Variants in KCNG2 observed in about 807,000 individuals in gnomAD.
KCNG2 encodes the protein potassium voltage-gated channel modifier subfamily G member 2, also known as voltage-gated potassium channel regulatory subunit KCNG2.
Under a neutral mutation model 12.3 loss-of-function variants are expected in KCNG2, and 7 were observed. The ratio of observed to expected loss-of-function variants is 0.57; its 90% confidence interval spans 0.32 to 1.07. The LOEUF (loss-of-function observed/expected upper bound fraction) is 1.07, where lower values mean the gene tolerates loss of function less well. Among genes scored for constraint, KCNG2 ranks in the 50% least tolerant of loss-of-function variants. KCNG2 has a pLI of 0.04. For missense variants in KCNG2, 703 were observed against 726.0 expected (o/e 0.97, Z 0.36); for synonymous variants, 414 against 351.4 (o/e 1.18, Z -1.99).
At chr18:79,872,280 G>GTT (rs1162742507) in intron 3 of KCNG2, among the ~76,000 whole-genome samples, 3,735 of 72,864 alleles carry the variant, frequency 0.051, 569 homozygotes, top group Non-Finnish European at 0.07. Flanking sequence ...CAAAGCTTCA[G>GTT]TTTTTTTTTT....
At chr18:79,880,571 T>C (rs182526428) in intron 3 of KCNG2, among the ~76,000 whole-genome samples, 4 of 152,220 alleles carry the variant, frequency 2.6e-5, no homozygotes, top group Admixed American at 1.3e-4. Context: ...CAGAAACATG[T>C]AAGAGGAGGG....
chr18:79,881,638 C>G (rs1169331875), intron 3 of KCNG2, among the ~76,000 whole-genome samples: 9 of 152,206 alleles, frequency 5.9e-5, no homozygotes, highest in Admixed American at 3.9e-4. Context: ...CTGCAGTGCT[C>G]ACGCGCTGAA....
chr18:79,846,170 A>T (rs2123042603), intron 1 of KCNG2, among the ~76,000 whole-genome samples: 2 of 151,942 alleles, frequency 1.3e-5, no homozygotes, highest in South Asian at 4.2e-4. Flanking sequence ...CAGGAGATCA[A>T]GACCATCCTG....
chr18:79,850,848 C>T (rs574162057), intron 1 of KCNG2, among the ~76,000 whole-genome samples: 4 of 152,282 alleles, frequency 2.6e-5, no homozygotes, highest in East Asian at 1.9e-4. Context: ...CTCAAACGCA[C>T]GTTGCTTTTG....
intron 1 of KCNG2, among the ~76,000 whole-genome samples, chr18:79,824,487 C>A (rs2087597115): frequency 6.6e-6 from 1 of 152,164 alleles, no homozygotes; most frequent in South Asian, 2.1e-4. Flanking sequence ...TTTACCTGCT[C>A]TATGCTTCTG....
At chr18:79,810,774 A>C (rs1212535703) in intron 1 of KCNG2, among the ~76,000 whole-genome samples, 1 of 152,274 alleles carries the variant, frequency 6.6e-6, no homozygotes, top group African/African-American at 2.4e-5. Flanking sequence ...AAAAGACAAA[A>C]CAAACCAAAA....
At chr18:79,830,415 A>AT (rs1978292181) in intron 1 of KCNG2, among the ~76,000 whole-genome samples, 1 of 152,248 alleles carries the variant, frequency 6.6e-6, no homozygotes, top group African/African-American at 2.4e-5. Context: ...CTGGGACATC[A>AT]TCTTTTCCAA....
intron 3 of KCNG2, among the ~76,000 whole-genome samples, chr18:79,888,162 CAG>C (rs1445210526): frequency 6.6e-6 from 1 of 150,772 alleles, no homozygotes; most frequent in Non-Finnish European, 1.5e-5. Context: ...ACCTAGGCCT[CAG>C]GGGTGGAGGA....
intron 3 of KCNG2, among the ~76,000 whole-genome samples, chr18:79,873,747 C>T (rs1979957489): frequency 6.6e-6 from 1 of 152,220 alleles, no homozygotes; most frequent in Non-Finnish European, 1.5e-5. Flanking sequence ...CATGGAGCGG[C>T]CGCGGTTAGA....
In KCNG2 at chr18:79,803,530, G is replaced by A. The variant is rs936127818; in HGVS notation, c.-115+5516G>A. Among the ~76,000 whole-genome samples, 5 of 152,228 alleles carry A rather than the reference G, an allele frequency of 3.3e-5. No individual in the cohort carries two copies. Among genetic ancestry groups the A allele is most frequent in the Non-Finnish European group, 7.3e-5 (5 of 68,038 alleles). On this transcript the variant is annotated intron_variant, in intron 1 of 3. Coordinates refer to ENST00000316249, the MANE Select transcript of KCNG2 (RefSeq NM_012283.2). This position sits in a 1 kb window ranked among gnomAD's most constrained non-coding sequence, Gnocchi z 4.5. ...AGGGTGAAGAAAACAGTGGCTAGGC[G>A]TGGGTGTGCAGTGCTGGGGACCGAC...
intron 3 of KCNG2, among the ~76,000 whole-genome samples, chr18:79,896,663 A>T (rs1015303236): frequency 1.3e-5 from 2 of 152,204 alleles, no homozygotes; most frequent in African/African-American, 4.8e-5. Flanking sequence ...CTAATTACAT[A>T]ATTACCTTTA....
At chr18:79,874,829 G>C (rs954810039) in intron 3 of KCNG2, among the ~76,000 whole-genome samples, 13 of 152,204 alleles carry the variant, frequency 8.5e-5, no homozygotes, top group Non-Finnish European at 1.6e-4. Flanking sequence ...GGTCACGTGT[G>C]CTCCTGCCCC....
chr18:79,851,866 G>C (rs556219449), intron 1 of KCNG2, among the ~76,000 whole-genome samples: 1 of 152,302 alleles, frequency 6.6e-6, no homozygotes, highest in East Asian at 1.9e-4. Context: ...GTGCGTGTGA[G>C]GACTTATGCA....
intron 3 of KCNG2, among the ~76,000 whole-genome samples, chr18:79,867,266 C>T (rs960001213): frequency 2.0e-5 from 3 of 151,934 alleles, no homozygotes; most frequent in African/African-American, 7.3e-5. Flanking sequence ...ACTTCCTGCC[C>T]CATCCGTCCT....
chr18:79,817,544 T>G (rs1254401461), intron 1 of KCNG2, among the ~76,000 whole-genome samples: 1 of 152,110 alleles, frequency 6.6e-6, no homozygotes, highest in African/African-American at 2.4e-5. Flanking sequence ...TACATGTGGT[T>G]GTCATGTGGT....
chr18:79,899,584 T>C lies in KCNG2; in HGVS notation c.1169T>C (p.Ile390Thr). 1.9e-6 allele frequency: 3 copies of C among 1,599,182 alleles called. No homozygotes were observed. Among genetic ancestry groups the C allele is most frequent in the South Asian group, 1.1e-5 (1 of 89,136 alleles). The change falls in exon 4 of 4, where the codon ATC (isoleucine) becomes ACC (threonine). Residue 390 changes from isoleucine (I) to threonine (T), a missense_variant. Physicochemically the swap from Ile to Thr is moderately conservative, Grantham distance 89. Coordinates refer to ENST00000316249, the MANE Select transcript of KCNG2 (RefSeq NM_012283.2). ...GGGCAGGTGGTGGCGCTCAGCAGCA[T>C]CCTCAGCGGCATCCTGCTCATGGCC... Reference protein sequence around the residue: ...LPGQVVALSSILSGILLMAFP... With the variant: ...LPGQVVALSSTLSGILLMAFP...
intron 1 of KCNG2, among the ~76,000 whole-genome samples, chr18:79,829,702 T>C (rs1017574877): frequency 6.6e-6 from 1 of 152,188 alleles, no homozygotes; most frequent in Non-Finnish European, 1.5e-5. Flanking sequence ...ATCTCTACAC[T>C]GTACTGGCTG....
At chr18:79,815,707 G>A (rs775033116) in intron 1 of KCNG2, among the ~76,000 whole-genome samples, 6 of 152,172 alleles carry the variant, frequency 3.9e-5, no homozygotes, top group Non-Finnish European at 8.8e-5. Flanking sequence ...CCCGTGGGGA[G>A]GGAGAAAAGA....
chr18:79,891,822 T>C (rs1220315727), intron 3 of KCNG2, among the ~76,000 whole-genome samples: 4 of 152,200 alleles, frequency 2.6e-5, no homozygotes, highest in East Asian at 1.9e-4. Flanking sequence ...CGTGTGCACA[T>C]TGAAAAAATG....
Sources: gnomAD v4.1 joint callset for allele counts (sites outside exome capture counted in the v4.1 genomes callset) on GRCh38, gnomAD v4.1.1 for gene constraint, Gnocchi (gnomAD v3.1) non-coding constraint, MANE v1.5 for transcripts, NCBI Gene and HGNC (gene_info 2026-07-23, HGNC 2026-07-21) for gene names.